The following DPP10 variants were observed in gnomAD, a reference collection of about 807,000 sequenced individuals.
The protein encoded by DPP10 is inactive dipeptidyl peptidase 10.
A neutral mutation model predicts 120.9 loss-of-function variants in DPP10; 33 were observed. The ratio of observed to expected loss-of-function variants is 0.27; its 90% CI spans 0.21 to 0.37. DPP10 has a LOEUF of 0.37. DPP10 is among the 10% of genes least tolerant of loss of function. DPP10 has a pLI of 1.00. For missense variants in DPP10, 816 were observed against 942.8 expected, an observed-to-expected ratio of 0.87 and a Z score of 1.76; for synonymous variants, 337 against 326.1, an observed-to-expected ratio of 1.03 and a Z score of -0.36.
intron 1 of DPP10, among the ~76,000 whole-genome samples, chr2:114,883,033 C>T (rs1467622746): frequency 6.6e-6 from 1 of 152,172 alleles, no homozygotes; most frequent in African/African-American, 2.4e-5. Flanking sequence ...ACTTCCAAAA[C>T]TGTAAGTGAA....
chr2:114,598,710 A>G (rs1412987848), intron 1 of DPP10, among the ~76,000 whole-genome samples: 1 of 151,884 alleles, frequency 6.6e-6, no homozygotes, highest in Non-Finnish European at 1.5e-5. Flanking sequence ...TATTAGTTAT[A>G]ATAACATGGA....
At chr2:114,509,851 G>A (rs1248775796) in intron 1 of DPP10, among the ~76,000 whole-genome samples, 1 of 152,200 alleles carries the variant, frequency 6.6e-6, no homozygotes, top group Non-Finnish European at 1.5e-5. Context: ...TGTAAGTAAA[G>A]TTGAGAGAAA....
chr2:115,544,938 G>T (rs549134358), intron 5 of DPP10, among the ~76,000 whole-genome samples: 5 of 152,086 alleles, frequency 3.3e-5, no homozygotes, highest in Admixed American at 3.3e-4. Context: ...TTTCTTGACT[G>T]CTGCCTAAGT....
intron 1 of DPP10, among the ~76,000 whole-genome samples, chr2:114,996,162 C>T (rs987923182): frequency 1.3e-5 from 2 of 152,108 alleles, no homozygotes; most frequent in Non-Finnish European, 1.5e-5. Flanking sequence ...AATGGCTTTG[C>T]TTTTCTTCTG....
intron 3 of DPP10, among the ~76,000 whole-genome samples, chr2:115,474,440 G>A (rs767756080): frequency 5.9e-5 from 9 of 152,240 alleles, no homozygotes; most frequent in East Asian, 3.9e-4. Context: ...TTTCTGAAGC[G>A]TGAGAACGGA....
chr2:115,288,774 G>A (rs1475748013), intron 1 of DPP10, among the ~76,000 whole-genome samples: 1 of 151,912 alleles, frequency 6.6e-6, no homozygotes, highest in Non-Finnish European at 1.5e-5. Context: ...CAACCAACTA[G>A]GTATAGAAGA....
intron 5 of DPP10, among the ~76,000 whole-genome samples, chr2:115,675,758 A>AG (rs1372374942): frequency 6.6e-6 from 1 of 152,266 alleles, no homozygotes; most frequent in East Asian, 1.9e-4. Context: ...GAGAAAAAAA[A>AG]TTAATGCTAG....
At chr2:114,578,731 T>C (rs968166622) in intron 1 of DPP10, among the ~76,000 whole-genome samples, 2 of 152,234 alleles carry the variant, frequency 1.3e-5, no homozygotes, top group Admixed American at 1.3e-4. Flanking sequence ...GGTACCCCAA[T>C]GATCTCTGAC....
At chr2:114,770,553 T>C (rs1306442254) in intron 1 of DPP10, among the ~76,000 whole-genome samples, 1 of 152,166 alleles carries the variant, frequency 6.6e-6, no homozygotes, top group Admixed American at 6.5e-5. Context: ...AAATGTGCTT[T>C]CTCCTTTATT....
chr2:115,634,710 C>A (rs1428707651), intron 5 of DPP10, among the ~76,000 whole-genome samples: 3 of 152,158 alleles, frequency 2.0e-5, no homozygotes, highest in African/African-American at 7.2e-5. Context: ...ATGTGGGACT[C>A]ACTAACTGAG....
intron 17 of DPP10, among the ~76,000 whole-genome samples, chr2:115,782,680 A>G (rs527889284): frequency 9.2e-5 from 14 of 152,090 alleles, no homozygotes; most frequent in Non-Finnish European, 1.9e-4. Context: ...GGTACATTTT[A>G]GCTTACTGGC....
Position 114,640,035 on chromosome 2 carries a change from CAA to C in DPP10, c.60+197199_60+197200del, listed in dbSNP as rs1405899088. ...ACTAAATGATAGAAGATAAATGAGA[CAA>C]ATAGGATGTAGTTACCAGAACATTG... On this transcript the variant is annotated intron_variant, in intron 1 of 25. Coordinates refer to ENST00000410059, the MANE Select transcript of DPP10 (RefSeq NM_020868.6). Among the ~76,000 whole-genome samples, 8 of 151,906 alleles carry C rather than the reference CAA, an allele frequency of 5.3e-5. No homozygotes were observed. In the South Asian group the frequency reaches 1.2e-3, roughly 24 times the overall value.
At position 115,153,166 on chromosome 2, in the gene DPP10, C is replaced by T. The variant is rs866717893; in HGVS notation, c.61-156073C>T. On this transcript the variant is annotated intron_variant, in intron 1 of 25. Transcript: ENST00000410059. ...GAAGAGTAATAATGCTTGTCCTTTGCTCCAGAGGAAGATACTAGTCCTTCT... is the reference window on the plus strand; with the variant it reads ...GAAGAGTAATAATGCTTGTCCTTTGTTCCAGAGGAAGATACTAGTCCTTCT... Among the ~76,000 whole-genome samples, 19 of 152,256 alleles carry T rather than the reference C, an allele frequency of 1.2e-4. 1 individual carries two copies. The Middle Eastern group carries it at 0.017, about 136-fold the overall frequency.
Position 115,474,176 on chromosome 2 carries a change from C to T in DPP10, c.272-25334C>T, listed in dbSNP as rs1317900493. Among the ~76,000 whole-genome samples, 23 of 8,960 alleles carry T rather than the reference C, an allele frequency of 2.6e-3. 1 individual carries two copies. In the Admixed American group the frequency reaches 0.032, roughly 13 times the overall value. The allele number at this position is 8,960 out of a possible 152,430, so 5.9% of individuals were successfully genotyped here. ...CTATTATTCACTGAATGTTCATAATCACAAAGGGAAATTGTTTCTTAAATT... is the reference window on the plus strand; with the variant it reads ...CTATTATTCACTGAATGTTCATAATTACAAAGGGAAATTGTTTCTTAAATT... On this transcript the variant is annotated intron_variant, in intron 3 of 25. Transcript: ENST00000410059.
chr2:115,512,268 A>T (rs908743203), intron 4 of DPP10, among the ~76,000 whole-genome samples: 1 of 151,656 alleles, frequency 6.6e-6, no homozygotes, highest in Non-Finnish European at 1.5e-5. Flanking sequence ...GTCTAGCTAA[A>T]TTTTTAATTT....
intron 1 of DPP10, among the ~76,000 whole-genome samples, chr2:114,756,781 A>AC (rs1350981832): frequency 2.6e-5 from 4 of 151,152 alleles, no homozygotes; most frequent in Non-Finnish European, 4.4e-5. Flanking sequence ...CTTAATCTCT[A>AC]CTTTTTTTTT....
chr2:115,358,512 CAAG>C (rs1402506729), intron 3 of DPP10, among the ~76,000 whole-genome samples: 1 of 152,134 alleles, frequency 6.6e-6, no homozygotes, highest in African/African-American at 2.4e-5. Context: ...CTGAGCCCTC[CAAG>C]TCTCTGGGAA....
chr2:114,539,439 T>C (rs1259322664), intron 1 of DPP10, among the ~76,000 whole-genome samples: 1 of 152,196 alleles, frequency 6.6e-6, no homozygotes, highest in Admixed American at 6.5e-5. Context: ...ATAAGGCCTC[T>C]AGGCCTGTGT....
intron 1 of DPP10, among the ~76,000 whole-genome samples, chr2:114,801,276 A>AG (rs1553430751): frequency 2.0e-3 from 166 of 84,702 alleles, no homozygotes; most frequent in African/African-American, 6.0e-3. Context: ...AAAAAAAAAA[A>AG]AAAGAAAAAA....
Sources: gnomAD v4.1 joint callset for allele counts (sites outside exome capture counted in the v4.1 genomes callset) on GRCh38, gnomAD v4.1.1 for gene constraint, MANE v1.5 for transcripts, NCBI Gene and HGNC (gene_info 2026-07-23, HGNC 2026-07-21) for gene names.